Variants in IQGAP2 observed in about 807,000 individuals in gnomAD.
The protein encoded by IQGAP2 is ras GTPase-activating-like protein IQGAP2.
IQGAP2 carries 173 observed loss-of-function variants against 201.3 expected under a neutral mutation model. That is an observed-to-expected ratio of 0.86 (90% CI 0.76 to 0.98). The LOEUF is 0.98. Among genes scored for constraint, IQGAP2 ranks in the 50% least tolerant of loss-of-function variants. IQGAP2 has a pLI of 0.00. For missense variants in IQGAP2, 1,687 were observed against 1,864.8 expected (o/e 0.90, Z 1.76); for synonymous variants, 675 against 673.9 (o/e 1.00, Z -0.03).
At chr5:76,490,032 T>G (rs140219320) in intron 2 of IQGAP2, among the ~76,000 whole-genome samples, 1 of 152,340 alleles carries the variant, frequency 6.6e-6, no homozygotes, top group East Asian at 1.9e-4. Context: ...CACCATGGTA[T>G]TTCAAATGTG....
chr5:76,495,865 A>T (rs545550769), intron 2 of IQGAP2, among the ~76,000 whole-genome samples: 15 of 152,278 alleles, frequency 9.9e-5, no homozygotes, highest in African/African-American at 3.4e-4. Context: ...TTCTTGAGGG[A>T]TCTGCCTCCA....
chr5:76,683,982 G>A (rs1247531071), intron 30 of IQGAP2, 65 bp downstream of exon 30: 29 of 1,423,624 alleles, frequency 2.0e-5, no homozygotes, highest in Non-Finnish European at 2.5e-5. Context: ...AAATTCAAAT[G>A]AGGCTAAATC....
At chr5:76,520,952 C>T (rs1201206909) in intron 2 of IQGAP2, among the ~76,000 whole-genome samples, 1 of 152,064 alleles carries the variant, frequency 6.6e-6, no homozygotes, top group Non-Finnish European at 1.5e-5. Context: ...CATGTTCCAC[C>T]CGCCTCAGCC....
intron 21 of IQGAP2, among the ~76,000 whole-genome samples, chr5:76,660,913 A>G (rs1743195614): frequency 6.6e-6 from 1 of 152,222 alleles, no homozygotes; most frequent in Non-Finnish European, 1.5e-5. Flanking sequence ...GATGTTGTAT[A>G]GCCACTAAAA....
rs568289198 is a variant in IQGAP2 at position 76,620,156 on chromosome 5, C to T, written c.1522-7254C>T. On this transcript the variant is annotated intron_variant, in intron 13 of 35. Transcript: ENST00000274364. The stretch of plus-strand genomic sequence containing the variant: ...GATTTGATATAGCAGCAGTAGGAAA[C>T]GAATATAGCCGTTATTTTGACTTGT... Among the ~76,000 whole-genome samples, 24 of 152,200 alleles carry T rather than the reference C, an allele frequency of 1.6e-4. No individual in the cohort carries two copies. The South Asian group carries it at 2.9e-3, about 18-fold the overall frequency.
chr5:76,443,770 G>A (rs964284846), intron 1 of IQGAP2, among the ~76,000 whole-genome samples: 1 of 152,160 alleles, frequency 6.6e-6, no homozygotes, highest in African/African-American at 2.4e-5. Flanking sequence ...TTGTCAAAGA[G>A]CAAGTGTTCA....
At chr5:76,511,633 A>G (rs1402072312) in intron 2 of IQGAP2, among the ~76,000 whole-genome samples, 2 of 151,966 alleles carry the variant, frequency 1.3e-5, no homozygotes, top group Non-Finnish European at 1.5e-5. Context: ...CCATTTAAAC[A>G]AAAAAAGGAA....
chr5:76,510,382 ATG>A (rs1414029862), intron 2 of IQGAP2: 1 of 197,180 alleles, frequency 5.1e-6, no homozygotes, highest in Non-Finnish European at 1.0e-5. Flanking sequence ...TGCAATAAAG[ATG>A]TGTCTTTCTT....
intron 13 of IQGAP2, among the ~76,000 whole-genome samples, chr5:76,626,911 C>G (rs946650289): frequency 2.2e-4 from 33 of 152,220 alleles, no homozygotes; most frequent in Admixed American, 1.9e-3. Context: ...GTGTGAAGGT[C>G]TAGAACAGGA....
chr5:76,653,023 G>C (rs2432188), intron 18 of IQGAP2, among the ~76,000 whole-genome samples, 190 bp downstream of exon 18: 76,174 of 152,008 alleles, frequency 0.5, 19,526 homozygotes, highest in Non-Finnish European at 0.56. Flanking sequence ...GGTTAAACCG[G>C]TATAAAACCT....
At chr5:76,667,877 CT>C (rs540744402) in intron 22 of IQGAP2, among the ~76,000 whole-genome samples, 62 of 123,418 alleles carry the variant, frequency 5.0e-4, no homozygotes, top group Middle Eastern at 4.8e-3. Context: ...AGTCCACTTT[CT>C]TTTTTTTTTT....
chr5:76,542,152 TA>T (rs111375565), intron 2 of IQGAP2, among the ~76,000 whole-genome samples: 25,141 of 149,514 alleles, frequency 0.17, 2,263 homozygotes, highest in Admixed American at 0.28. Context: ...CCATACTAAT[TA>T]AAAAAAAAAA....
At chr5:76,679,008 A>G (rs985082748) in intron 28 of IQGAP2, among the ~76,000 whole-genome samples, 1 of 152,216 alleles carries the variant, frequency 6.6e-6, no homozygotes, top group Non-Finnish European at 1.5e-5. Flanking sequence ...TTACAAGGAA[A>G]ACTGTCCAGC....
chr5:76,628,456 G>A (rs1349353716), intron 14 of IQGAP2, among the ~76,000 whole-genome samples: 1 of 152,144 alleles, frequency 6.6e-6, no homozygotes, highest in Non-Finnish European at 1.5e-5. Flanking sequence ...TCCCCACATT[G>A]GTTCAAATGA....
intron 27 of IQGAP2, among the ~76,000 whole-genome samples, chr5:76,675,561 T>C (rs760622005): frequency 1.1e-4 from 17 of 152,220 alleles, no homozygotes; most frequent in Non-Finnish European, 2.4e-4. Context: ...AGTCTGGTAG[T>C]CAGATTCACT....
chr5:76,405,781 A>T (rs1313739656), intron 1 of IQGAP2, among the ~76,000 whole-genome samples: 1 of 152,198 alleles, frequency 6.6e-6, no homozygotes, highest in Non-Finnish European at 1.5e-5. Flanking sequence ...TGGGAAGGCT[A>T]GGGAAGGATA....
chr5:76,434,435 T>C (rs59094350), intron 1 of IQGAP2, among the ~76,000 whole-genome samples: 14,478 of 152,182 alleles, frequency 0.095, 1,775 homozygotes, highest in African/African-American at 0.29. Context: ...TAAGTGAGAA[T>C]GTAACGGTGT....
intron 28 of IQGAP2, among the ~76,000 whole-genome samples, chr5:76,682,086 G>A (rs974853688): frequency 6.6e-6 from 1 of 152,160 alleles, no homozygotes; most frequent in African/African-American, 2.4e-5. Flanking sequence ...ACTGCCAATG[G>A]GTACCCGGTA....
chr5:76,532,696 G>A (rs1759383103), intron 2 of IQGAP2, among the ~76,000 whole-genome samples: 1 of 152,172 alleles, frequency 6.6e-6, no homozygotes, highest in South Asian at 2.1e-4. Flanking sequence ...CTTTCAGACA[G>A]CCCTAGAGGA....
Sources: allele counts gnomAD v4.1 joint callset (sites outside exome capture counted in the v4.1 genomes callset), GRCh38; gene constraint gnomAD v4.1.1; transcripts MANE v1.5; gene names NCBI Gene and HGNC (gene_info 2026-07-23, HGNC 2026-07-21).